The following KIAA1958 variants were observed in gnomAD, a reference collection of about 807,000 sequenced individuals.
KIAA1958 encodes the protein KIAA1958.
In KIAA1958, 14 loss-of-function variants were observed where a neutral mutation model predicts 47.2. The ratio of observed to expected loss-of-function variants is 0.30; its 90% confidence interval spans 0.20 to 0.46. KIAA1958 has a LOEUF of 0.46. Ranked by LOEUF, KIAA1958 falls within the 20% of genes least tolerant of loss-of-function variation. KIAA1958 has a pLI of 1.00. For missense variants in KIAA1958, 803 were observed against 909.2 expected, an observed-to-expected ratio of 0.88 and a Z score of 1.50; for synonymous variants, 354 against 353.3, an observed-to-expected ratio of 1.00 and a Z score of -0.02.
rs1367091501 is a variant in KIAA1958, at chr9:112,668,686, G to T, written c.*8617G>T. Reference sequence around the variant, plus strand: ...CTAAACTAAATTTTCAATGACACCAGCATGTTTGCTTTAAATTTAGCAATA... The same window carrying T: ...CTAAACTAAATTTTCAATGACACCATCATGTTTGCTTTAAATTTAGCAATA... On this transcript the variant is annotated 3_prime_UTR_variant, in exon 4 of 4. Transcript: ENST00000337530. 1 of 152,172 alleles carries T rather than the reference G, an allele frequency of 6.6e-6. No homozygotes were observed. The highest frequency in any genetic ancestry group is 1.5e-5 in the Non-Finnish European group (1 of 68,034). The allele number at this position is 152,172 out of a possible 1,614,324, so 9.4% of individuals were successfully genotyped here. A position where few individuals can be genotyped will look rare whatever the true frequency, so the allele number is the denominator to read the frequency against.
intron 1 of KIAA1958, among the ~76,000 whole-genome samples, chr9:112,555,255 G>A (rs1483450837): frequency 6.6e-6 from 1 of 152,154 alleles, no homozygotes; most frequent in African/African-American, 2.4e-5. Context: ...TTACCTCCAG[G>A]CAATATTTTG....
chr9:112,627,529 G>A lies in KIAA1958; in HGVS notation c.1172-18121G>A, dbSNP rs1268291252. Among the ~76,000 whole-genome samples the A allele has an allele frequency of 2.6e-5, 4 of 152,268 alleles. No homozygotes were observed. In the East Asian group the frequency reaches 7.7e-4, roughly 29 times the overall value. ...AGCACTTTGGGAGACTGAGGCGGGC[G>A]GATCACCTGAGATCAGGAGTTCGAG... On this transcript the variant is annotated intron_variant, in intron 2 of 3. Coordinates refer to ENST00000337530, the MANE Select transcript of KIAA1958 (RefSeq NM_133465.4).
At position 112,648,079 on chromosome 9, in the gene KIAA1958, G is replaced by A. The variant is rs571509976; in HGVS notation, c.1344+2257G>A. Among the ~76,000 whole-genome samples, 17 of 152,294 alleles carry A rather than the reference G, an allele frequency of 1.1e-4. No individual in the cohort carries two copies. The South Asian group carries it at 3.1e-3, about 28-fold the overall frequency. Reference sequence around the variant, plus strand: ...TCAGTTAAGTCTTTCACTTTGGCCAGTTTGCAGAGCCAGATTTACCCTTAT... The same window carrying A: ...TCAGTTAAGTCTTTCACTTTGGCCAATTTGCAGAGCCAGATTTACCCTTAT... On this transcript the variant is annotated intron_variant, in intron 3 of 3. Transcript: ENST00000337530.
At chr9:112,501,328 A>G (rs1029228417) in intron 1 of KIAA1958, among the ~76,000 whole-genome samples, 8 of 151,880 alleles carry the variant, frequency 5.3e-5, no homozygotes, top group Non-Finnish European at 7.4e-5. Context: ...CTGTAGTCCC[A>G]GCTGCTTGGG....
At chr9:112,593,346 C>T (rs191110064) in intron 2 of KIAA1958, among the ~76,000 whole-genome samples, 1 of 152,214 alleles carries the variant, frequency 6.6e-6, no homozygotes, top group Admixed American at 6.5e-5. Context: ...AGTTCCCGGC[C>T]ACGAACTAAA....
chr9:112,531,535 A>C (rs1438300054), intron 1 of KIAA1958, among the ~76,000 whole-genome samples: 5 of 152,236 alleles, frequency 3.3e-5, no homozygotes, highest in African/African-American at 1.2e-4. Flanking sequence ...TCCAATTATA[A>C]ATAAAAATAA....
chr9:112,656,372 CAAAAAAAAAAAAAAAA>C (rs35967386), intron 3 of KIAA1958, among the ~76,000 whole-genome samples: 2 of 57,826 alleles, frequency 3.5e-5, no homozygotes, highest in African/African-American at 1.5e-4. Context: ...GACTCTGTCT[CAAAAAAAAAAAAAAAA>C]AAAAAAAAGC....
At chr9:112,617,937 C>A in intron 2 of KIAA1958, 1 of 1,550,542 alleles carries the variant, frequency 6.4e-7, no homozygotes, top group Non-Finnish European at 8.7e-7. Flanking sequence ...AGCACGCAGA[C>A]CGCGCTCCGC....
chr9:112,649,660 A>G (rs1837028421), intron 3 of KIAA1958, among the ~76,000 whole-genome samples: 1 of 152,234 alleles, frequency 6.6e-6, no homozygotes, highest in African/African-American at 2.4e-5. Context: ...TAGGGTTGAC[A>G]ACAGATTTCT....
chr9:112,522,749 C>G (rs1047507057), intron 1 of KIAA1958, among the ~76,000 whole-genome samples: 2 of 152,194 alleles, frequency 1.3e-5, no homozygotes, highest in East Asian at 3.8e-4. Flanking sequence ...TTACCCAGCC[C>G]TGAGACTAAA....
chr9:112,516,127 C>G (rs563399296), intron 1 of KIAA1958, among the ~76,000 whole-genome samples: 9 of 152,108 alleles, frequency 5.9e-5, no homozygotes, highest in African/African-American at 2.2e-4. Context: ...ACTAGAAATT[C>G]TAGAACTAAT....
intron 1 of KIAA1958, among the ~76,000 whole-genome samples, chr9:112,497,992 A>G (rs10981425): frequency 0.95 from 145,025 of 152,248 alleles, 69,122 homozygotes; most frequent in South Asian, 0.98. Context: ...GGCAAGAAAG[A>G]GTAAGATATG....
At chr9:112,558,077 T>G (rs1835272299) in intron 1 of KIAA1958, among the ~76,000 whole-genome samples, 1 of 151,908 alleles carries the variant, frequency 6.6e-6, no homozygotes, top group South Asian at 2.1e-4. Flanking sequence ...TACAAAAAAT[T>G]AGCCGGGCAT....
At chr9:112,580,981 T>C (rs1300382439) in intron 2 of KIAA1958, among the ~76,000 whole-genome samples, 1 of 152,196 alleles carries the variant, frequency 6.6e-6, no homozygotes, top group Non-Finnish European at 1.5e-5. Flanking sequence ...CATCTGAAGA[T>C]TGATATGGCA....
chr9:112,517,851 C>T (rs893717712), intron 1 of KIAA1958, among the ~76,000 whole-genome samples: 17 of 152,220 alleles, frequency 1.1e-4, no homozygotes, highest in Middle Eastern at 3.4e-3. Context: ...CATTGAAATG[C>T]AAATCAAACC....
At chr9:112,572,107 C>T (rs1023945055) in intron 1 of KIAA1958, among the ~76,000 whole-genome samples, 3 of 151,966 alleles carry the variant, frequency 2.0e-5, no homozygotes, top group Admixed American at 6.6e-5. Context: ...ATGTTCTTTC[C>T]GTTTACATGG....
chr9:112,586,752 T>C (rs2131186016), intron 2 of KIAA1958, among the ~76,000 whole-genome samples: 1 of 152,300 alleles, frequency 6.6e-6, no homozygotes, highest in Non-Finnish European at 1.5e-5. Context: ...TTCAGTGAAT[T>C]GGATTTGACT....
rs139428517 is a variant in KIAA1958 at position 112,663,245 on chromosome 9, C to T, written c.*3176C>T. ...AGCCCTACTTTCTGTCTATCCCCCC[C>T]ACCGCCGGCCCCCGGAATCTAAGCA... On this transcript the variant is annotated 3_prime_UTR_variant, in exon 4 of 4. Transcript: ENST00000337530. The T allele has an allele frequency of 1.1e-3, 170 of 152,676 alleles. 2 individuals carry two copies. In the East Asian group the frequency reaches 0.015, roughly 14 times the overall value. The allele number at this position is 152,676 out of a possible 1,614,324, so 9.5% of individuals were successfully genotyped here.
In KIAA1958 at chr9:112,645,738, T is replaced by A; in HGVS notation, c.1260T>A (p.Thr420=). ...DLCTSAVSPN[T]TKATRYALNV... ...GTACCAGTGCAGTAAGCCCAAATAC[T>A]ACCAAAGCCACGCGGTACGCCTTGA... is the stretch of plus-strand genomic sequence containing the variant. Residue 420 remains threonine (T), a synonymous_variant, in exon 3 of 4, where the codon ACT becomes ACA. Coordinates refer to ENST00000337530, the MANE Select transcript of KIAA1958 (RefSeq NM_133465.4). 1.2e-6 allele frequency: 2 copies of A among 1,614,104 alleles called. No individual in the cohort carries two copies. Among genetic ancestry groups the A allele is most frequent in the Non-Finnish European group, 1.7e-6 (2 of 1,179,978 alleles).
Sources: allele counts gnomAD v4.1 joint callset (sites outside exome capture counted in the v4.1 genomes callset), GRCh38; gene constraint gnomAD v4.1.1; transcripts MANE v1.5; gene names NCBI Gene and HGNC (gene_info 2026-07-23, HGNC 2026-07-21).